The following ZFHX3 variants were observed in gnomAD, a reference collection of about 807,000 sequenced individuals.
ZFHX3 encodes zinc finger homeobox 3.
ZFHX3 carries 42 observed loss-of-function variants against 279.1 expected under a neutral mutation model. That is an observed-to-expected ratio of 0.15 (90% CI 0.12 to 0.19). The LOEUF is 0.19. Among genes scored for constraint, ZFHX3 ranks in the 10% least tolerant of loss-of-function variants. ZFHX3 has a pLI of 1.00. For synonymous variants in ZFHX3, 2,293 were observed against 1,957.8 expected (o/e 1.17, Z -4.52); for missense variants, 4,981 against 4,754.0 (o/e 1.05, Z -1.40).
chr16:73,166,994 A>T (rs1967390573), intron 5 of ZFHX3, among the ~76,000 whole-genome samples: 2 of 152,214 alleles, frequency 1.3e-5, no homozygotes, highest in South Asian at 4.1e-4. Context: ...GAATGAGATC[A>T]GTTTGATAAA....
intron 1 of ZFHX3, among the ~76,000 whole-genome samples, chr16:73,881,365 G>A (rs77791185): frequency 1.1e-3 from 172 of 151,356 alleles, no homozygotes; most frequent in African/African-American, 3.7e-3. Context: ...TGATTTCCAG[G>A]GCAGAATTCA....
intron 1 of ZFHX3, among the ~76,000 whole-genome samples, chr16:73,801,037 T>C (rs905325351): frequency 5.3e-5 from 8 of 152,146 alleles, no homozygotes; most frequent in Admixed American, 3.9e-4. Flanking sequence ...ACCAACAGCA[T>C]TGACACTGCC....
intron 3 of ZFHX3, among the ~76,000 whole-genome samples, chr16:72,895,895 GGATA>G (rs2038888324): frequency 1.4e-5 from 2 of 141,344 alleles, no homozygotes; most frequent in African/African-American, 4.9e-5. Flanking sequence ...ATAGATAGAC[GGATA>G]GATAGGTAAA....
chr16:73,261,668 G>GATTTTT (rs1242491554), intron 4 of ZFHX3, among the ~76,000 whole-genome samples: 1 of 80,718 alleles, frequency 1.2e-5, no homozygotes, highest in Non-Finnish European at 2.3e-5. Context: ...TCCTGTGATT[G>GATTTTT]TTTTTTTTTT....
At chr16:73,230,962 A>C (rs1006997878) in intron 5 of ZFHX3, among the ~76,000 whole-genome samples, 1 of 152,236 alleles carries the variant, frequency 6.6e-6, no homozygotes, top group African/African-American at 2.4e-5. Context: ...CAAAGGCGAC[A>C]CAGCCCTTCT....
At chr16:73,266,233 A>G (rs186782267) in intron 4 of ZFHX3, among the ~76,000 whole-genome samples, 3 of 152,288 alleles carry the variant, frequency 2.0e-5, no homozygotes, top group Non-Finnish European at 4.4e-5. Flanking sequence ...TCTCAATTCT[A>G]GTATTTTTAT....
intron 3 of ZFHX3, among the ~76,000 whole-genome samples, chr16:73,399,029 G>A (rs371366942): frequency 5.6e-4 from 64 of 115,256 alleles, no homozygotes; most frequent in Admixed American, 1.9e-3. Context: ...CATGCCCCCC[G>A]CTAATTTTTT....
At chr16:73,529,443 A>C (rs74028702) in intron 2 of ZFHX3, among the ~76,000 whole-genome samples, 1 of 152,152 alleles carries the variant, frequency 6.6e-6, no homozygotes, top group Non-Finnish European at 1.5e-5. Context: ...TCCCAAAGAG[A>C]GAAACTTAGC....
chr16:73,806,288 C>T (rs1216261339), intron 1 of ZFHX3, among the ~76,000 whole-genome samples: 1 of 152,096 alleles, frequency 6.6e-6, no homozygotes, highest in Admixed American at 6.5e-5. Flanking sequence ...GTAGAAAATT[C>T]CAGGCAGAGG....
chr16:73,691,883 T>C (rs2053152984), intron 1 of ZFHX3, among the ~76,000 whole-genome samples: 1 of 152,178 alleles, frequency 6.6e-6, no homozygotes, highest in African/African-American at 2.4e-5. Context: ...AAGGAGCACC[T>C]CCTCTATGCG....
intron 5 of ZFHX3, among the ~76,000 whole-genome samples, chr16:73,161,294 A>T: frequency 6.6e-6 from 1 of 152,016 alleles, no homozygotes; most frequent in African/African-American, 2.4e-5. Context: ...CTAAAGTTAG[A>T]CCTGAATGAC....
chr16:72,894,069 A>C (rs534495354), intron 3 of ZFHX3, among the ~76,000 whole-genome samples: 210 of 151,852 alleles, frequency 1.4e-3, no homozygotes, highest in Non-Finnish European at 2.3e-3. Flanking sequence ...AAATCGCTTG[A>C]ACCTGGGAGG....
At chr16:72,833,232 C>T (rs1020929630) in intron 4 of ZFHX3, among the ~76,000 whole-genome samples, 1 of 152,228 alleles carries the variant, frequency 6.6e-6, no homozygotes, top group African/African-American at 2.4e-5. Context: ...CGTCCACACG[C>T]TAAGCTCCTA....
rs1206014712 is a variant in ZFHX3 at position 72,795,196 on chromosome 16, G to C, written c.7486C>G (p.Gln2496Glu). 2 of 1,607,544 alleles carry C rather than the reference G, an allele frequency of 1.2e-6. No homozygotes were observed. The highest frequency in any genetic ancestry group is 1.7e-6 in the Non-Finnish European group (2 of 1,176,496). ...AGCTGGGAAGGACTGGGGCTCGACT[G>C]GGGTAAGGGGCACTGTGGAGGGGGC... is the stretch of plus-strand genomic sequence containing the variant. ...QAPPPQCPLP[Q>E]SSPSPSQLSH... is the part of the protein sequence containing the mutation. Residue 2496 changes from glutamine to glutamate, a missense_variant, in exon 9 of 10, where the codon CAG (glutamine) becomes GAG (glutamate). Transcript: ENST00000268489.
At chr16:73,204,039 G>A (rs552202949) in intron 5 of ZFHX3, among the ~76,000 whole-genome samples, 2 of 152,034 alleles carry the variant, frequency 1.3e-5, no homozygotes, top group East Asian at 1.9e-4. Flanking sequence ...ATTCCTCTCC[G>A]AATTTCAAGA....
chr16:73,521,667 T>C (rs1469322938), intron 2 of ZFHX3, among the ~76,000 whole-genome samples: 1 of 151,986 alleles, frequency 6.6e-6, no homozygotes, highest in Non-Finnish European at 1.5e-5. Flanking sequence ...TCCAGGAATT[T>C]TAAGAAGAAT....
intron 5 of ZFHX3, among the ~76,000 whole-genome samples, chr16:72,827,600 C>T (rs981193487): frequency 1.2e-4 from 19 of 152,160 alleles, no homozygotes; most frequent in Admixed American, 5.2e-4. Flanking sequence ...GTTTAATTGC[C>T]GTGTGAACCA....
At chr16:72,868,576 G>C (rs1275996657) in intron 4 of ZFHX3, among the ~76,000 whole-genome samples, 1 of 152,226 alleles carries the variant, frequency 6.6e-6, no homozygotes, top group Admixed American at 6.5e-5. Flanking sequence ...ACTCCCTAGA[G>C]GGGAAAGTCC....
intron 4 of ZFHX3, among the ~76,000 whole-genome samples, chr16:73,258,030 C>G (rs555429318): frequency 5.9e-5 from 9 of 152,172 alleles, no homozygotes; most frequent in Admixed American, 5.2e-4. Context: ...TTATGACAAC[C>G]AAACAGGTCT....
Sources: gnomAD v4.1 joint callset for allele counts (sites outside exome capture counted in the v4.1 genomes callset) on GRCh38, gnomAD v4.1.1 for gene constraint, MANE v1.5 for transcripts, NCBI Gene and HGNC (gene_info 2026-07-23, HGNC 2026-07-21) for gene names.